The following KLF15 variants were observed in gnomAD, a reference collection of about 807,000 sequenced individuals.
KLF15 encodes the protein Krueppel-like factor 15.
In KLF15, 4 loss-of-function variants were observed where a neutral mutation model predicts 24.6. That is an observed-to-expected ratio of 0.16 (90% CI 0.08 to 0.37). KLF15 has a LOEUF of 0.37. KLF15 is among the 10% of genes least tolerant of loss of function. The probability of loss-of-function intolerance (pLI) is 1.00; values close to 1 mark genes in which losing one functional copy is unlikely to be tolerated. For synonymous variants in KLF15, 246 were observed against 236.3 expected (o/e 1.04, Z -0.37); for missense variants, 496 against 560.6 (o/e 0.88, Z 1.16).
At chr3:126,318,997 GT>G in the KLF15 span, among the ~76,000 whole-genome samples, 1 of 152,182 alleles carries the variant, frequency 6.6e-6, no homozygotes, top group African/African-American at 2.4e-5. Flanking sequence ...CCACTGATCT[GT>G]TTCCTGTCTC....
At chr3:126,316,534 CAT>C in the KLF15 span, among the ~76,000 whole-genome samples, 6 of 124,224 alleles carry the variant, frequency 4.8e-5, no homozygotes, top group African/African-American at 9.6e-5. Context: ...GGAGGGAGTA[CAT>C]GGGCCGGAGT....
downstream of KLF15, among the ~76,000 whole-genome samples, chr3:126,338,043 C>A (rs1018569556): frequency 3.3e-5 from 5 of 152,308 alleles, no homozygotes; most frequent in South Asian, 2.1e-4. Flanking sequence ...ATTTTGCCAG[C>A]GTGAGAGATT....
At chr3:126,310,991 G>C in the KLF15 span, among the ~76,000 whole-genome samples, 1 of 152,144 alleles carries the variant, frequency 6.6e-6, no homozygotes, top group African/African-American at 2.4e-5. Context: ...CCACTCTGGA[G>C]GCTGGTTTCT....
chr3:126,324,725 T>C, the KLF15 span, among the ~76,000 whole-genome samples: 88,148 of 131,486 alleles, frequency 0.67, 30,118 homozygotes, highest in African/African-American at 0.79. Context: ...AAGCATATCA[T>C]GTCCATCTGT....
chr3:126,330,429 T>C, the KLF15 span, among the ~76,000 whole-genome samples: 1 of 152,248 alleles, frequency 6.6e-6, no homozygotes, highest in East Asian at 1.9e-4. Context: ...AACAGTTTTA[T>C]TAATTCTGGC....
chr3:126,346,575 G>C (rs1234781543), intron 2 of KLF15, among the ~76,000 whole-genome samples: 2 of 152,148 alleles, frequency 1.3e-5, no homozygotes, highest in African/African-American at 4.8e-5. Context: ...CAGATCTCTG[G>C]TCATGGTGAC....
the KLF15 span, among the ~76,000 whole-genome samples, chr3:126,307,917 C>G: frequency 6.6e-6 from 1 of 152,156 alleles, no homozygotes; most frequent in Non-Finnish European, 1.5e-5. Flanking sequence ...CTTAGCCCCC[C>G]TTGTCTGGAC....
chr3:126,316,917 A>G, the KLF15 span, among the ~76,000 whole-genome samples: 2 of 152,162 alleles, frequency 1.3e-5, no homozygotes, highest in African/African-American at 4.8e-5. Context: ...GTGCTCCTGG[A>G]AGCCACAGAA....
chr3:126,321,199 C>T, the KLF15 span, among the ~76,000 whole-genome samples: 444 of 152,308 alleles, frequency 2.9e-3, 3 homozygotes, highest in African/African-American at 8.7e-3. Flanking sequence ...ACCCTGGAGA[C>T]GGCAGAACCA....
the KLF15 span, among the ~76,000 whole-genome samples, chr3:126,324,819 T>A: frequency 1.2e-4 from 17 of 142,544 alleles, no homozygotes; most frequent in East Asian, 4.1e-4. Context: ...TTTTTTTTTT[T>A]TTATTATACT....
At chr3:126,349,965 A>G (rs2082569527) in intron 2 of KLF15, among the ~76,000 whole-genome samples, 1 of 152,190 alleles carries the variant, frequency 6.6e-6, no homozygotes, top group Non-Finnish European at 1.5e-5. Flanking sequence ...TATGATGTAC[A>G]AACAACAAGG....
the KLF15 span, among the ~76,000 whole-genome samples, chr3:126,294,451 G>A: frequency 2.0e-5 from 3 of 152,094 alleles, no homozygotes; most frequent in African/African-American, 7.2e-5. Flanking sequence ...TCTCTCATTC[G>A]TTCCACATTT....
chr3:126,306,466 T>G, the KLF15 span, among the ~76,000 whole-genome samples: 1 of 152,228 alleles, frequency 6.6e-6, no homozygotes, highest in Non-Finnish European at 1.5e-5. Flanking sequence ...CCTCACTCCA[T>G]GCCTTGAAGA....
the KLF15 span, among the ~76,000 whole-genome samples, chr3:126,324,788 A>ATTTT: frequency 2.4e-4 from 18 of 74,696 alleles, no homozygotes; most frequent in South Asian, 2.2e-3. Flanking sequence ...TTTGCTTTTA[A>ATTTT]TTTTTTTTTT....
At chr3:126,344,552 A>T (rs1289716642) in intron 2 of KLF15, among the ~76,000 whole-genome samples, 1 of 152,082 alleles carries the variant, frequency 6.6e-6, no homozygotes, top group Non-Finnish European at 1.5e-5. Context: ...CCACAGGTGC[A>T]CTCAGTCGCT....
chr3:126,291,401 TAAG>T, the KLF15 span: 1 of 152,180 alleles, frequency 6.6e-6, no homozygotes, highest in Non-Finnish European at 1.5e-5. Flanking sequence ...GTGGAGAGGC[TAAG>T]AAGAAAGAGG....
chr3:126,346,717 A>AC (rs199663581), intron 2 of KLF15, among the ~76,000 whole-genome samples: 1,805 of 151,834 alleles, frequency 0.012, 14 homozygotes, highest in Middle Eastern at 0.027. Context: ...CCCTCAGAAG[A>AC]CCCCCTGCCT....
chr3:126,321,380 GCTGTGGGGAGGAGGTGGGGCTGAGCCC>G, the KLF15 span, among the ~76,000 whole-genome samples: 1 of 152,242 alleles, frequency 6.6e-6, no homozygotes, highest in South Asian at 2.1e-4. Flanking sequence ...GGCCATGCCT[GCTGTGGGGAGGAGGTGGGGCTGAGCCC>G]CTGCAAAGGC....
At chr3:126,340,237 TGAC>T (rs1308787095), downstream of KLF15, among the ~76,000 whole-genome samples, 4 of 152,366 alleles carry the variant, frequency 2.6e-5, no homozygotes, top group Admixed American at 6.5e-5. Context: ...GCTGCCCAGA[TGAC>T]GACTGCATTT....
Sources: gnomAD v4.1 joint callset for allele counts (sites outside exome capture counted in the v4.1 genomes callset) on GRCh38, gnomAD v4.1.1 for gene constraint, MANE v1.5 for transcripts, NCBI Gene and HGNC (gene_info 2026-07-23, HGNC 2026-07-21) for gene names.